KIRREL3: variants seen among roughly 807,000 people sequenced by gnomAD.
KIRREL3 encodes the protein kirre like nephrin family adhesion molecule 3.
Under a neutral mutation model 89.7 loss-of-function variants are expected in KIRREL3, and 36 were observed. That is an observed-to-expected ratio of 0.40 (90% CI 0.31 to 0.53). KIRREL3 has a LOEUF of 0.53. Among genes scored for constraint, KIRREL3 ranks in the 20% least tolerant of loss-of-function variants. The probability of loss-of-function intolerance (pLI) is 0.49; values close to 1 mark genes in which losing one functional copy is unlikely to be tolerated. For missense variants in KIRREL3, 864 were observed against 1,056.6 expected (o/e 0.82, Z 2.53); for synonymous variants, 445 against 441.4 (o/e 1.01, Z -0.10).
In KIRREL3 at chr11:126,570,439, T is replaced by C. The variant is rs1940840241; in HGVS notation, c.56-7527A>G. 6.6e-6 allele frequency among the ~76,000 whole-genome samples: 1 copy of C among 152,208 alleles called. No individual in the cohort carries two copies. ...TTTTGAAATAATGAGTTCTATAACA[T>C]TTCATGTCAAGTTATTGTCAGTTAG... On this transcript the variant is annotated intron_variant, in intron 1 of 16. Coordinates refer to ENST00000525144, the MANE Select transcript of KIRREL3 (RefSeq NM_032531.4). This position sits in a 1 kb window ranked among gnomAD's most constrained non-coding sequence, Gnocchi z 6.1.
chr11:126,437,056 A>G, intron 11 of KIRREL3, 47 bp from the exon 12 acceptor site: 1 of 1,455,634 alleles, frequency 6.9e-7, no homozygotes, highest in Non-Finnish European at 9.1e-7. Flanking sequence ...AGAGGGGCCC[A>G]GGACACGCCC....
intron 1 of KIRREL3, among the ~76,000 whole-genome samples, chr11:126,757,290 G>C (rs1244545527): frequency 2.7e-5 from 4 of 149,670 alleles, no homozygotes; most frequent in Non-Finnish European, 5.9e-5. Flanking sequence ...AAGGGAATTG[G>C]AAAAAGAAAA....
intron 1 of KIRREL3, among the ~76,000 whole-genome samples, chr11:126,923,129 C>CTCCTTCTTCTTCT (rs1246765425): frequency 3.9e-5 from 1 of 25,732 alleles, no homozygotes; most frequent in African/African-American, 1.9e-4. Flanking sequence ...TCTCCTTCTT[C>CTCCTTCTTCTTCT]TCTTCTTCTT....
chr11:126,468,297 A>T (rs1386756767), intron 5 of KIRREL3, among the ~76,000 whole-genome samples: 1 of 152,218 alleles, frequency 6.6e-6, no homozygotes, highest in Non-Finnish European at 1.5e-5. Flanking sequence ...CTGTCCCCAG[A>T]CAGCCCAGGG....
intron 1 of KIRREL3, among the ~76,000 whole-genome samples, chr11:126,731,477 C>G (rs1348355151): frequency 6.6e-6 from 1 of 152,250 alleles, no homozygotes; most frequent in Non-Finnish European, 1.5e-5. Flanking sequence ...TACGTATTCT[C>G]ATGTCTACCT....
rs1943250688 is a variant in KIRREL3 at position 126,822,260 on chromosome 11, G to A, written c.55+178195C>T. ...AAGGGCCCTGGAAGTGTTGGCTAAC[G>A]GTATTACTATTATATAATTACTATT... On this transcript the variant is annotated intron_variant, in intron 1 of 16. Transcript: ENST00000525144. Among the ~76,000 whole-genome samples, 10 of 152,086 alleles carry A rather than the reference G, an allele frequency of 6.6e-5. No homozygotes were observed. The South Asian group carries it at 2.1e-3, about 32-fold the overall frequency.
chr11:126,813,109 T>C (rs1951442157), intron 1 of KIRREL3, among the ~76,000 whole-genome samples: 4 of 152,206 alleles, frequency 2.6e-5, no homozygotes, highest in Non-Finnish European at 2.9e-5. Context: ...TGTCTCCTTG[T>C]AGTAACTGCA....
Position 126,627,364 on chromosome 11 carries a change from G to T in KIRREL3, c.56-64452C>A, listed in dbSNP as rs531267625. Among the ~76,000 whole-genome samples the T allele has an allele frequency of 9.2e-5, 14 of 152,316 alleles. No homozygotes were observed. Among genetic ancestry groups the T allele is most frequent in the South Asian group, 6.2e-4 (3 of 4,826 alleles). On this transcript the variant is annotated intron_variant, in intron 1 of 16. Coordinates refer to ENST00000525144, the MANE Select transcript of KIRREL3 (RefSeq NM_032531.4). This position sits in a 1 kb window ranked among gnomAD's most constrained non-coding sequence, Gnocchi z 5.0. The stretch of plus-strand genomic sequence containing the variant: ...GTTGAAGCATGGTGACCTGGTCTGT[G>T]TTCCTATAGGCCGCCCTTTAGGCAA...
chr11:126,799,089 CATGT>C (rs1950906555), intron 1 of KIRREL3, among the ~76,000 whole-genome samples: 1 of 144,358 alleles, frequency 6.9e-6, no homozygotes, highest in South Asian at 2.3e-4. Context: ...TGTGTGCATG[CATGT>C]ATCTGTGCGT....
At chr11:126,590,580 C>A (rs2134704407) in intron 1 of KIRREL3, among the ~76,000 whole-genome samples, 1 of 152,342 alleles carries the variant, frequency 6.6e-6, no homozygotes, top group South Asian at 2.1e-4. Context: ...AACATGGTCT[C>A]AGCTAAGTGG....
At chr11:126,549,947 T>G (rs1939127364) in intron 2 of KIRREL3, 1 of 152,236 alleles carries the variant, frequency 6.6e-6, no homozygotes, top group African/African-American at 2.4e-5. Context: ...ACAGGGCTTA[T>G]TTCTCCAGAA....
chr11:126,853,173 C>T (rs771747247), intron 1 of KIRREL3, among the ~76,000 whole-genome samples: 6 of 152,060 alleles, frequency 3.9e-5, no homozygotes, highest in African/African-American at 9.7e-5. Context: ...CTGTTTAAAT[C>T]GCTGTGTGTG....
chr11:126,462,774 A>G lies in KIRREL3; in HGVS notation c.742+383T>C, dbSNP rs1273256107. On this transcript the variant is annotated intron_variant, in intron 6 of 16. Coordinates refer to ENST00000525144, the MANE Select transcript of KIRREL3 (RefSeq NM_032531.4). This position sits in a 1 kb window ranked among gnomAD's most constrained non-coding sequence, Gnocchi z 4.8. ...GGCTGGTGCACCCTCTCCAGAGCAC[A>G]GCGCTGCTTGCCAATTCTGAAGCCT... is the stretch of plus-strand genomic sequence containing the variant. Among the ~76,000 whole-genome samples, 1 of 152,210 alleles carries G rather than the reference A, an allele frequency of 6.6e-6. No individual in the cohort carries two copies. Among genetic ancestry groups the G allele is most frequent in the Admixed American group, 6.5e-5 (1 of 15,280 alleles).
At position 126,808,429 on chromosome 11, in the gene KIRREL3, T is replaced by G. The variant is rs1592156591; in HGVS notation, c.55+192026A>C. Among the ~76,000 whole-genome samples, 1 of 152,124 alleles carries G rather than the reference T, an allele frequency of 6.6e-6. No homozygotes were observed. The highest frequency in any genetic ancestry group is 1.5e-5 in the Non-Finnish European group (1 of 68,016). On this transcript the variant is annotated intron_variant, in intron 1 of 16. Coordinates refer to ENST00000525144, the MANE Select transcript of KIRREL3 (RefSeq NM_032531.4). This position sits in a 1 kb window ranked among gnomAD's most constrained non-coding sequence, Gnocchi z 4.1. ...ATGTGGTGGGAGGGCTCTGCTAAGATGTAGAGCAGTTATTAAGGCCTTAAG... is the reference window on the plus strand; with the variant it reads ...ATGTGGTGGGAGGGCTCTGCTAAGAGGTAGAGCAGTTATTAAGGCCTTAAG...
At chr11:126,916,774 T>C (rs1947057081) in intron 1 of KIRREL3, among the ~76,000 whole-genome samples, 1 of 152,220 alleles carries the variant, frequency 6.6e-6, no homozygotes, top group African/African-American at 2.4e-5. Flanking sequence ...TGGAGCTGGA[T>C]AAAGCATTAG....
Position 126,918,869 on chromosome 11 carries a change from T to A in KIRREL3, c.55+81586A>T, listed in dbSNP as rs537568947. Among the ~76,000 whole-genome samples the A allele has an allele frequency of 6.6e-6, 1 of 152,256 alleles. No homozygotes were observed. Among genetic ancestry groups the A allele is most frequent in the African/African-American group, 2.4e-5 (1 of 41,550 alleles). ...CTATGACACCAGATGGGGAATGTATTGTTACATGTATTTTAACAATGTAAC... is the reference window on the plus strand; with the variant it reads ...CTATGACACCAGATGGGGAATGTATAGTTACATGTATTTTAACAATGTAAC... On this transcript the variant is annotated intron_variant, in intron 1 of 16. Transcript: ENST00000525144. This position sits in a 1 kb window ranked among gnomAD's most constrained non-coding sequence, Gnocchi z 6.5.
Position 126,742,710 on chromosome 11 carries a change from A to C in KIRREL3, c.56-179798T>G, listed in dbSNP as rs984390785. Among the ~76,000 whole-genome samples the C allele has an allele frequency of 1.3e-5, 2 of 152,226 alleles. No homozygotes were observed. Among genetic ancestry groups the C allele is most frequent in the African/African-American group, 4.8e-5 (2 of 41,462 alleles). ...CTCAAATATATATCACCTAGCAGCT[A>C]AGAAATCAGCAGACAGTGGACTTTA... On this transcript the variant is annotated intron_variant, in intron 1 of 16. Coordinates refer to ENST00000525144, the MANE Select transcript of KIRREL3 (RefSeq NM_032531.4). The surrounding 1 kb of genome is among the most constrained non-coding windows in gnomAD (Gnocchi z 5.3).
Position 126,989,336 on chromosome 11 carries a change from C to T in KIRREL3, c.55+11119G>A, listed in dbSNP as rs957108870. ...CCCAGAAAGGCTGGCACTGTGGGGA[C>T]GAAGGGGGCAGTGGCAGCTCACCCT... On this transcript the variant is annotated intron_variant, in intron 1 of 16. Transcript: ENST00000525144. This position sits in a 1 kb window ranked among gnomAD's most constrained non-coding sequence, Gnocchi z 6.2. Among the ~76,000 whole-genome samples, 4 of 152,106 alleles carry T rather than the reference C, an allele frequency of 2.6e-5. No homozygotes were observed. The highest frequency in any genetic ancestry group is 9.7e-5 in the African/African-American group (4 of 41,398).
rs1949892138 is a variant in KIRREL3, at chr11:126,987,218, C to T, written c.55+13237G>A. 6.6e-6 allele frequency among the ~76,000 whole-genome samples: 1 copy of T among 152,178 alleles called. No individual in the cohort carries two copies. Among genetic ancestry groups the T allele is most frequent in the African/African-American group, 2.4e-5 (1 of 41,440 alleles). On this transcript the variant is annotated intron_variant, in intron 1 of 16. Coordinates refer to ENST00000525144, the MANE Select transcript of KIRREL3 (RefSeq NM_032531.4). This position sits in a 1 kb window ranked among gnomAD's most constrained non-coding sequence, Gnocchi z 4.6. Reference sequence around the variant, plus strand: ...GTCTACACCTAGAATTAAGGGGATACACTGACCCACAAAGATTCCTTTTCC... The same window carrying T: ...GTCTACACCTAGAATTAAGGGGATATACTGACCCACAAAGATTCCTTTTCC...
Sources: allele counts gnomAD v4.1 joint callset (sites outside exome capture counted in the v4.1 genomes callset), GRCh38; gene constraint gnomAD v4.1.1; non-coding constraint Gnocchi (gnomAD v3.1); transcripts MANE v1.5; gene names NCBI Gene and HGNC (gene_info 2026-07-23, HGNC 2026-07-21).